Variants in CEP83 observed in about 807,000 individuals in gnomAD.
CEP83 encodes the protein centrosomal protein of 83 kDa.
CEP83 carries 70 observed loss-of-function variants against 101.9 expected under a neutral mutation model. The observed-to-expected ratio is 0.69, with a 90% CI of 0.57 to 0.84. The LOEUF (loss-of-function observed/expected upper bound fraction) is 0.84, where lower values mean the gene tolerates loss of function less well. CEP83 is among the 40% of genes least tolerant of loss of function. The probability of loss-of-function intolerance (pLI) is 0.00; values close to 1 mark genes in which losing one functional copy is unlikely to be tolerated. For missense variants in CEP83, 715 were observed against 787.2 expected (o/e 0.91, Z 1.10); for synonymous variants, 264 against 267.9 (o/e 0.99, Z 0.14).
At chr12:94,379,064 GCATA>G in intron 6 of CEP83, 22 bp from the exon 7 acceptor site, 1 of 1,552,780 alleles carries the variant, frequency 6.4e-7, no homozygotes. Context: ...TTTAAAGAAA[GCATA>G]CAAGGTTAAA....
chr12:94,436,837 A>AG (rs1003907548), intron 1 of CEP83, among the ~76,000 whole-genome samples: 18 of 151,800 alleles, frequency 1.2e-4, no homozygotes, highest in Middle Eastern at 3.4e-3. Context: ...AAAAAAAAAA[A>AG]AAAGAAAGAA....
chr12:94,449,120 A>T (rs2067030651), intron 1 of CEP83, among the ~76,000 whole-genome samples: 1 of 152,128 alleles, frequency 6.6e-6, no homozygotes, highest in Non-Finnish European at 1.5e-5. Flanking sequence ...GCCAACCTTA[A>T]ATTATTAAAG....
chr12:94,292,116 T>C, the CEP83 span, among the ~76,000 whole-genome samples: 2 of 152,216 alleles, frequency 1.3e-5, no homozygotes, highest in Non-Finnish European at 2.9e-5. Context: ...AACTAACACA[T>C]AGTAATAATG....
intron 7 of CEP83, among the ~76,000 whole-genome samples, chr12:94,377,796 C>G (rs2061628488): frequency 6.6e-6 from 1 of 152,174 alleles, no homozygotes; most frequent in Admixed American, 6.5e-5. Flanking sequence ...CTTATTCTGT[C>G]ACTGTGTAAA....
At chr12:94,294,981 T>C in the CEP83 span, among the ~76,000 whole-genome samples, 1 of 151,808 alleles carries the variant, frequency 6.6e-6, no homozygotes, top group East Asian at 1.9e-4. Flanking sequence ...ACTTGCAAAA[T>C]TCCCAGAAAT....
downstream of CEP83, among the ~76,000 whole-genome samples, chr12:94,302,232 C>T (rs552151147): frequency 8.5e-5 from 13 of 152,298 alleles, no homozygotes; most frequent in South Asian, 8.3e-4. Context: ...TTTTCTTGCA[C>T]GCCCCACATA....
the CEP83 span, chr12:94,300,846 A>G: frequency 6.6e-7 from 1 of 1,503,978 alleles, no homozygotes. Context: ...ACAAACTGTG[A>G]TAAACAGACC....
chr12:94,275,551 C>G, the CEP83 span, among the ~76,000 whole-genome samples: 3,075 of 152,174 alleles, frequency 0.02, 38 homozygotes, highest in East Asian at 0.046. Flanking sequence ...ACTGTACTTA[C>G]GCCTTAAGAA....
chr12:94,431,733 C>T (rs2065640475), intron 2 of CEP83, among the ~76,000 whole-genome samples: 1 of 152,022 alleles, frequency 6.6e-6, no homozygotes, highest in Non-Finnish European at 1.5e-5. Flanking sequence ...AAAACCACAG[C>T]AACATATCAT....
intron 8 of CEP83, among the ~76,000 whole-genome samples, chr12:94,372,649 T>G (rs188332308): frequency 6.6e-6 from 1 of 152,352 alleles, no homozygotes; most frequent in East Asian, 1.9e-4. Flanking sequence ...TACAAAAACT[T>G]ATTTCTTATT....
downstream of CEP83, chr12:94,306,073 G>A (rs1260926192): frequency 6.6e-6 from 1 of 151,882 alleles, no homozygotes; most frequent in Non-Finnish European, 1.5e-5. Context: ...TGGACATGTT[G>A]GATATTATAC....
At chr12:94,340,015 A>G (rs983165377) in intron 11 of CEP83, among the ~76,000 whole-genome samples, 4 of 152,238 alleles carry the variant, frequency 2.6e-5, no homozygotes, top group African/African-American at 7.2e-5. Flanking sequence ...GAGTCTAAGT[A>G]GAAAGGTGGA....
intron 2 of CEP83, chr12:94,423,853 AG>A (rs1170175059): frequency 1.2e-6 from 2 of 1,612,826 alleles, no homozygotes; most frequent in Non-Finnish European, 1.7e-6. Context: ...AGGAAGGCAC[AG>A]GGGTGTACTG....
intron 14 of CEP83, among the ~76,000 whole-genome samples, chr12:94,318,186 G>A (rs1444155416): frequency 6.6e-6 from 1 of 152,138 alleles, no homozygotes; most frequent in Non-Finnish European, 1.5e-5. Context: ...AATTGTGAAT[G>A]GGATTGCATT....
At chr12:94,278,530 C>T in the CEP83 span, among the ~76,000 whole-genome samples, 3,321 of 152,280 alleles carry the variant, frequency 0.022, 41 homozygotes, top group East Asian at 0.06. Context: ...GGAGAATGTT[C>T]ACTGACAAAA....
chr12:94,335,560 TA>T, intron 12 of CEP83, 28 bp downstream of exon 12: 1 of 1,434,940 alleles, frequency 7.0e-7, no homozygotes, highest in Non-Finnish European at 9.6e-7. Context: ...CTTGAAAAAA[TA>T]AAAGGAAAAT....
the CEP83 span, among the ~76,000 whole-genome samples, chr12:94,279,130 G>A: frequency 6.6e-6 from 1 of 152,096 alleles, no homozygotes; most frequent in African/African-American, 2.4e-5. Context: ...CATCTACTGT[G>A]GAACCCTTCC....
At chr12:94,391,598 G>A (rs779692487) in intron 6 of CEP83, among the ~76,000 whole-genome samples, 6 of 152,040 alleles carry the variant, frequency 3.9e-5, no homozygotes, top group Admixed American at 1.3e-4. Context: ...AGCGAACATC[G>A]TAATGACAGG....
intron 5 of CEP83, chr12:94,402,189 T>C (rs988006692): frequency 6.6e-6 from 1 of 152,234 alleles, no homozygotes; most frequent in African/African-American, 2.4e-5. Flanking sequence ...AACAGATTTT[T>C]ACTTTTATGA....
Sources: gnomAD v4.1 joint callset for allele counts (sites outside exome capture counted in the v4.1 genomes callset) on GRCh38, gnomAD v4.1.1 for gene constraint, MANE v1.5 for transcripts, NCBI Gene and HGNC (gene_info 2026-07-23, HGNC 2026-07-21) for gene names.